PIK3R5: variants seen among roughly 807,000 people sequenced by gnomAD.
PIK3R5 encodes the protein phosphoinositide-3-kinase regulatory subunit 5.
PIK3R5 carries 32 observed loss-of-function variants against 94.9 expected under a neutral mutation model. That is an observed-to-expected ratio of 0.34 (90% CI 0.25 to 0.45). The LOEUF is 0.45. PIK3R5 is among the 20% of genes least tolerant of loss of function. The pLI, the probability that PIK3R5 is intolerant of heterozygous loss-of-function variation, is 1.00. For missense variants in PIK3R5, 853 were observed against 1,144.6 expected (o/e 0.75, Z 3.68); for synonymous variants, 443 against 479.4 (o/e 0.92, Z 0.99).
intron 1 of PIK3R5, among the ~76,000 whole-genome samples, chr17:8,926,910 TTA>T (rs556902377): frequency 7.6e-4 from 102 of 134,002 alleles, no homozygotes; most frequent in African/African-American, 2.7e-3. Context: ...ATAACAGAGG[TTA>T]TATATATATA....
At chr17:8,951,477 C>T (rs1277533468) in intron 1 of PIK3R5, among the ~76,000 whole-genome samples, 1 of 152,228 alleles carries the variant, frequency 6.6e-6, no homozygotes, top group Non-Finnish European at 1.5e-5. Context: ...CTAGCTACCT[C>T]ATTTGGGTGG....
chr17:8,944,276 A>G (rs755357318), intron 1 of PIK3R5, among the ~76,000 whole-genome samples: 3 of 152,226 alleles, frequency 2.0e-5, no homozygotes, highest in Non-Finnish European at 2.9e-5. Flanking sequence ...TTTCATGGCT[A>G]CATAATATTC....
intron 1 of PIK3R5, among the ~76,000 whole-genome samples, chr17:8,932,679 T>C (rs1217379207): frequency 1.3e-5 from 2 of 152,038 alleles, no homozygotes; most frequent in African/African-American, 4.8e-5. Flanking sequence ...TAGAAACCAT[T>C]CAAACTAAAA....
Position 8,889,874 on chromosome 17 carries a change from T to G in PIK3R5, c.811+99A>C. On this transcript the variant is annotated intron_variant, in intron 8 of 18. Coordinates refer to ENST00000447110, the MANE Select transcript of PIK3R5 (RefSeq NM_001142633.3). This position sits in a 1 kb window ranked among gnomAD's most constrained non-coding sequence, Gnocchi z 4.1. ...AAGAAGCTGAGTCCCTGAGTGACTG[T>G]GTGGAGCAGAGCCACCAGGCCCGCC... is the stretch of plus-strand genomic sequence containing the variant. The G allele has an allele frequency of 8.0e-7, 1 of 1,252,144 alleles. No individual in the cohort carries two copies. The highest frequency in any genetic ancestry group is 1.1e-6 in the Non-Finnish European group (1 of 869,582). 77.6% of individuals were successfully genotyped at this position (1,252,144 alleles called of 1,614,324 possible).
chr17:8,950,104 A>G (rs2091350425), intron 1 of PIK3R5, among the ~76,000 whole-genome samples: 1 of 152,212 alleles, frequency 6.6e-6, no homozygotes, highest in Admixed American at 6.5e-5. Flanking sequence ...CAATAGCAGC[A>G]TATCTGAATT....
rs566377052 is a variant in PIK3R5 at position 8,925,225 on chromosome 17, GGATA to G, written c.-13-13722_-13-13719del. 5.4e-3 allele frequency among the ~76,000 whole-genome samples: 808 copies of G among 150,706 alleles called. 14 individuals carry two copies. The highest frequency in any genetic ancestry group is 0.019 in the African/African-American group (766 of 40,452). Reference sequence around the variant, plus strand: ...ATGGATAGATAGATAGATAGTAGATGGATAGATAGATAGTAGATGGGTAGATAGA... The same window carrying G: ...ATGGATAGATAGATAGATAGTAGATGGATAGATAGTAGATGGGTAGATAGA... On this transcript the variant is annotated intron_variant, in intron 1 of 18. Coordinates refer to ENST00000447110, the MANE Select transcript of PIK3R5 (RefSeq NM_001142633.3). This position sits in a 1 kb window ranked among gnomAD's most constrained non-coding sequence, Gnocchi z 5.1.
chr17:8,920,215 T>C (rs2090712362), intron 1 of PIK3R5, among the ~76,000 whole-genome samples: 1 of 152,142 alleles, frequency 6.6e-6, no homozygotes, highest in Admixed American at 6.5e-5. Flanking sequence ...ACATCTCACC[T>C]GCCCAACTCT....
chr17:8,929,309 A>T (rs2090946409), intron 1 of PIK3R5, among the ~76,000 whole-genome samples: 1 of 152,210 alleles, frequency 6.6e-6, no homozygotes, highest in Non-Finnish European at 1.5e-5. Context: ...TGTCTACAAG[A>T]AACTCACTTT....
intron 15 of PIK3R5, among the ~76,000 whole-genome samples, chr17:8,883,226 G>A (rs1237218221): frequency 2.6e-5 from 4 of 152,176 alleles, no homozygotes; most frequent in African/African-American, 4.8e-5. Flanking sequence ...AAAATTAGCC[G>A]GGTGTGGTGG....
At chr17:8,944,602 A>G (rs2091242433) in intron 1 of PIK3R5, among the ~76,000 whole-genome samples, 1 of 152,226 alleles carries the variant, frequency 6.6e-6, no homozygotes. Context: ...TCCCTGGGGA[A>G]TGAAGAGTGG....
At chr17:8,895,879 C>A (rs1293524183) in intron 5 of PIK3R5, among the ~76,000 whole-genome samples, 9 of 152,138 alleles carry the variant, frequency 5.9e-5, no homozygotes, top group Non-Finnish European at 1.2e-4. Context: ...AAGGTACCAA[C>A]AGTTCCCAAG....
In PIK3R5 at chr17:8,913,661, G is replaced by A. The variant is rs535997660; in HGVS notation, c.-13-2154C>T. 1.2e-4 allele frequency among the ~76,000 whole-genome samples: 19 copies of A among 152,266 alleles called. No individual in the cohort carries two copies. The South Asian group carries it at 2.9e-3, about 23-fold the overall frequency. On this transcript the variant is annotated intron_variant, in intron 1 of 18. Transcript: ENST00000447110. ...CGGGAGGCGGAGGTTGCAGTAAGTC[G>A]AGATCACACCGCTGCACCCCAGCCT...
chr17:8,889,310 C>T lies in PIK3R5; in HGVS notation c.812-88G>A. 1.1e-6 allele frequency: 1 copy of T among 933,318 alleles called. No individual in the cohort carries two copies. The highest frequency in any genetic ancestry group is 2.5e-5 in the East Asian group (1 of 39,296). The allele number at this position is 933,318 out of a possible 1,614,324, so 57.8% of individuals were successfully genotyped here. A position where few individuals can be genotyped will look rare whatever the true frequency, so the allele number is the denominator to read the frequency against. ...AGTCCCCTTGCCTTGGAGAAGAGACCAGAGATGGGACAGGATCGGCACAAG... is the reference window on the plus strand; with the variant it reads ...AGTCCCCTTGCCTTGGAGAAGAGACTAGAGATGGGACAGGATCGGCACAAG... On this transcript the variant is annotated intron_variant, in intron 8 of 18. Coordinates refer to ENST00000447110, the MANE Select transcript of PIK3R5 (RefSeq NM_001142633.3). The surrounding 1 kb of genome is among the most constrained non-coding windows in gnomAD (Gnocchi z 4.1).
chr17:8,928,180 C>A (rs1371794760), intron 1 of PIK3R5, among the ~76,000 whole-genome samples: 1 of 152,174 alleles, frequency 6.6e-6, no homozygotes, highest in Non-Finnish European at 1.5e-5. Flanking sequence ...GTCTAACATT[C>A]ATGTGATTGG....
Position 8,881,490 on chromosome 17 carries a change from C to T in PIK3R5, c.2382+140G>A. 1 of 729,888 alleles carries T rather than the reference C, an allele frequency of 1.4e-6. No individual in the cohort carries two copies. The highest frequency in any genetic ancestry group is 2.7e-5 in the East Asian group (1 of 37,116). The allele number at this position is 729,888 out of a possible 1,614,324, so 45.2% of individuals were successfully genotyped here. On this transcript the variant is annotated intron_variant, in intron 17 of 18. Coordinates refer to ENST00000447110, the MANE Select transcript of PIK3R5 (RefSeq NM_001142633.3). This position sits in a 1 kb window ranked among gnomAD's most constrained non-coding sequence, Gnocchi z 4.8. ...CCCCACCTCTCCTCTCTCTCTCACA[C>T]ACACACAAGTATGTACACACGGGTG... is the stretch of plus-strand genomic sequence containing the variant.
intron 1 of PIK3R5, among the ~76,000 whole-genome samples, chr17:8,963,051 G>A (rs760567736): frequency 6.6e-6 from 1 of 152,172 alleles, no homozygotes; most frequent in Non-Finnish European, 1.5e-5. Flanking sequence ...GCAGTGACAC[G>A]ATCATAGCTC....
At chr17:8,917,912 C>A (rs928274564) in intron 1 of PIK3R5, among the ~76,000 whole-genome samples, 1 of 151,986 alleles carries the variant, frequency 6.6e-6, no homozygotes, top group African/African-American at 2.4e-5. Context: ...TTTATGTGTA[C>A]ACTAGCATTA....
chr17:8,913,424 T>A (rs1012284117), intron 1 of PIK3R5, among the ~76,000 whole-genome samples: 1 of 152,146 alleles, frequency 6.6e-6, no homozygotes, highest in African/African-American at 2.4e-5. Context: ...TTTTCACGGG[T>A]GGCTGGGTGC....
intron 1 of PIK3R5, among the ~76,000 whole-genome samples, chr17:8,952,418 A>G (rs187776795): frequency 1.5e-4 from 23 of 152,380 alleles, no homozygotes; most frequent in African/African-American, 5.3e-4. Context: ...CGGTATACCC[A>G]AAATTTCCTT....
Sources: gnomAD v4.1 joint callset for allele counts (sites outside exome capture counted in the v4.1 genomes callset) on GRCh38, gnomAD v4.1.1 for gene constraint, Gnocchi (gnomAD v3.1) non-coding constraint, MANE v1.5 for transcripts, NCBI Gene and HGNC (gene_info 2026-07-23, HGNC 2026-07-21) for gene names.